The following CNTNAP2 variants were observed in gnomAD, a reference collection of about 807,000 sequenced individuals.
CNTNAP2 encodes the protein contactin associated protein 2.
A neutral mutation model predicts 155.2 loss-of-function variants in CNTNAP2; 98 were observed. That is an observed-to-expected ratio of 0.63 (90% CI 0.54 to 0.75). The LOEUF (loss-of-function observed/expected upper bound fraction) is 0.75. Ranked by LOEUF, CNTNAP2 falls within the 30% of genes least tolerant of loss-of-function variation. CNTNAP2 has a pLI of 0.00. For missense variants in CNTNAP2, 1,727 were observed against 1,688.1 expected (o/e 1.02, Z -0.40); for synonymous variants, 651 against 631.2 (o/e 1.03, Z -0.47).
chr7:147,251,545 A>C (rs915738416), intron 8 of CNTNAP2, among the ~76,000 whole-genome samples: 8 of 152,178 alleles, frequency 5.3e-5, no homozygotes, highest in African/African-American at 1.7e-4. Context: ...AATGGGTAGC[A>C]CTAAAGAGAA....
rs1798978560 is a variant in CNTNAP2 at position 148,376,190 on chromosome 7, G to A, written c.3476-7459G>A. ...CTGGAAAGAAAAAATCCAGTTTTGTGTTATCAGTCCTTAGAAAAAGATTTA... is the reference window on the plus strand; with the variant it reads ...CTGGAAAGAAAAAATCCAGTTTTGTATTATCAGTCCTTAGAAAAAGATTTA... On this transcript the variant is annotated intron_variant, in intron 21 of 23. Coordinates refer to ENST00000361727, the MANE Select transcript of CNTNAP2 (RefSeq NM_014141.6). Among the ~76,000 whole-genome samples the A allele has an allele frequency of 3.0e-5, 2 of 66,036 alleles. 1 individual carries two copies. Among genetic ancestry groups the A allele is most frequent in the South Asian group, 8.6e-4 (2 of 2,336 alleles). 43.3% of individuals were successfully genotyped at this position (66,036 alleles called of 152,430 possible).
intron 1 of CNTNAP2, among the ~76,000 whole-genome samples, chr7:146,134,159 T>C (rs889009904): frequency 2.6e-5 from 4 of 151,998 alleles, no homozygotes; most frequent in African/African-American, 7.2e-5. Context: ...CCTAGGTATT[T>C]TATTCTTTTT....
Position 146,284,761 on chromosome 7 carries a change from C to T in CNTNAP2, c.97+167788C>T, listed in dbSNP as rs145612118. Among the ~76,000 whole-genome samples the T allele has an allele frequency of 2.1e-3, 317 of 152,236 alleles. 3 individuals carry two copies. Among genetic ancestry groups the T allele is most frequent in the African/African-American group, 7.1e-3 (293 of 41,540 alleles). On this transcript the variant is annotated intron_variant, in intron 1 of 23. Coordinates refer to ENST00000361727, the MANE Select transcript of CNTNAP2 (RefSeq NM_014141.6). ...AAAGCATGCAGTGAAGGGAACCTGA[C>T]GGGGTTTGACTGCTCAGTTTATCAC...
intron 13 of CNTNAP2, among the ~76,000 whole-genome samples, chr7:147,814,564 G>A (rs761247937): frequency 4.6e-4 from 70 of 152,186 alleles, no homozygotes; most frequent in Admixed American, 9.8e-4. Context: ...TATTTGCCTC[G>A]CCCTTTAAAA....
At chr7:146,572,365 G>A (rs1040483884) in intron 1 of CNTNAP2, among the ~76,000 whole-genome samples, 3 of 151,308 alleles carry the variant, frequency 2.0e-5, no homozygotes, top group East Asian at 3.9e-4. Context: ...TGAAGACTGG[G>A]TCTCCTATCT....
chr7:146,986,904 T>C (rs1332727594), intron 3 of CNTNAP2, among the ~76,000 whole-genome samples: 1 of 152,142 alleles, frequency 6.6e-6, no homozygotes, highest in Non-Finnish European at 1.5e-5. Flanking sequence ...GTTTTTTTCT[T>C]TTTTACTAGA....
intron 1 of CNTNAP2, among the ~76,000 whole-genome samples, chr7:146,490,930 C>A (rs897202578): frequency 8.5e-5 from 13 of 152,138 alleles, no homozygotes; most frequent in African/African-American, 3.1e-4. Flanking sequence ...TGTCTAAAAT[C>A]TAAGCCAATT....
intron 9 of CNTNAP2, among the ~76,000 whole-genome samples, chr7:147,314,548 T>C (rs1808583377): frequency 6.6e-6 from 1 of 151,112 alleles, no homozygotes; most frequent in South Asian, 2.1e-4. Context: ...ATTAGATCAG[T>C]ATGCAAATAT....
At chr7:146,741,502 T>C (rs375571724) in intron 1 of CNTNAP2, among the ~76,000 whole-genome samples, 180 of 152,294 alleles carry the variant, frequency 1.2e-3, no homozygotes, top group African/African-American at 4.1e-3. Context: ...TACATAATAG[T>C]GTATTGGCAA....
chr7:147,790,878 A>G (rs938797856), intron 13 of CNTNAP2, among the ~76,000 whole-genome samples: 1 of 152,212 alleles, frequency 6.6e-6, no homozygotes, highest in Non-Finnish European at 1.5e-5. Flanking sequence ...CAGACGTTCC[A>G]CATCTCCTAG....
At chr7:148,257,003 T>A (rs1796466689) in intron 20 of CNTNAP2, among the ~76,000 whole-genome samples, 1 of 152,042 alleles carries the variant, frequency 6.6e-6, no homozygotes, top group Non-Finnish European at 1.5e-5. Flanking sequence ...AAATTGATTA[T>A]TGTATTTGGT....
At chr7:146,543,015 T>A (rs1226691527) in intron 1 of CNTNAP2, among the ~76,000 whole-genome samples, 1 of 151,894 alleles carries the variant, frequency 6.6e-6, no homozygotes, top group African/African-American at 2.4e-5. Flanking sequence ...TGACTATAGT[T>A]AATAATAATG....
chr7:148,031,267 A>G (rs1450405416), intron 15 of CNTNAP2, among the ~76,000 whole-genome samples: 2 of 152,192 alleles, frequency 1.3e-5, no homozygotes, highest in Non-Finnish European at 2.9e-5. Context: ...TTACCTCTCA[A>G]AGGGCAGAGT....
intron 1 of CNTNAP2, among the ~76,000 whole-genome samples, chr7:146,734,598 A>G (rs1315186960): frequency 6.6e-6 from 1 of 152,196 alleles, no homozygotes; most frequent in East Asian, 1.9e-4. Context: ...TACATCAAGG[A>G]AATAGATTAA....
At chr7:146,518,324 C>A (rs1174263517) in intron 1 of CNTNAP2, among the ~76,000 whole-genome samples, 4 of 151,396 alleles carry the variant, frequency 2.6e-5, no homozygotes, top group South Asian at 2.1e-4. Flanking sequence ...GGTTTTAATT[C>A]AAAATTAAAC....
chr7:147,369,319 T>C (rs1167526762), intron 9 of CNTNAP2, among the ~76,000 whole-genome samples: 5 of 152,178 alleles, frequency 3.3e-5, no homozygotes, highest in Non-Finnish European at 5.9e-5. Context: ...CCAAACTCAT[T>C]CTCTGTCTCC....
At chr7:146,815,004 ACT>A (rs1479653012) in intron 2 of CNTNAP2, among the ~76,000 whole-genome samples, 1 of 152,170 alleles carries the variant, frequency 6.6e-6, no homozygotes, top group Non-Finnish European at 1.5e-5. Context: ...TGAAAAATTA[ACT>A]CTTATTTTTC....
chr7:146,444,702 G>C (rs1354959998), intron 1 of CNTNAP2, among the ~76,000 whole-genome samples: 1 of 149,214 alleles, frequency 6.7e-6, no homozygotes, highest in African/African-American at 2.5e-5. Context: ...CTGTTGCCTA[G>C]GCTAGGGTGC....
chr7:147,873,771 C>T (rs58848145), intron 13 of CNTNAP2, among the ~76,000 whole-genome samples: 6,598 of 152,128 alleles, frequency 0.043, 313 homozygotes, highest in East Asian at 0.16. Flanking sequence ...AAATCTCATC[C>T]GAGACAAGGC....
Sources: allele counts gnomAD v4.1 joint callset (sites outside exome capture counted in the v4.1 genomes callset), GRCh38; gene constraint gnomAD v4.1.1; transcripts MANE v1.5; gene names NCBI Gene and HGNC (gene_info 2026-07-23, HGNC 2026-07-21).